Variants in MSH3 observed in about 807,000 individuals in gnomAD.
The protein encoded by MSH3 is DNA mismatch repair protein Msh3.
Under a neutral mutation model 123.3 loss-of-function variants are expected in MSH3, and 106 were observed. The observed-to-expected ratio is 0.86, with a 90% CI of 0.73 to 1.01. MSH3 has a LOEUF of 1.01. MSH3 is among the 50% of genes least tolerant of loss of function. MSH3 has a pLI of 0.00. For missense variants in MSH3, 1,459 were observed against 1,347.6 expected (o/e 1.08, Z -1.29); for synonymous variants, 515 against 481.4 (o/e 1.07, Z -0.91).
At chr5:80,822,433 T>G (rs533440009) in intron 20 of MSH3, among the ~76,000 whole-genome samples, 2 of 150,836 alleles carry the variant, frequency 1.3e-5, no homozygotes, top group East Asian at 1.9e-4. Flanking sequence ...TAAATTTTAG[T>G]TTTTTTTCTT....
At position 80,709,618 on chromosome 5, in the gene MSH3, T is replaced by C. The variant is rs146105162; in HGVS notation, c.1341-15835T>C. Reference sequence around the variant, plus strand: ...CTGCACTCCAGCCTGGGCGACAGAGTGAAACTCCGTCTCAAAAAAAGAAAA... The same window carrying C: ...CTGCACTCCAGCCTGGGCGACAGAGCGAAACTCCGTCTCAAAAAAAGAAAA... On this transcript the variant is annotated intron_variant, in intron 8 of 23. Coordinates refer to ENST00000265081, the MANE Select transcript of MSH3 (RefSeq NM_002439.5). 9.5e-3 allele frequency among the ~76,000 whole-genome samples: 1,451 copies of C among 152,108 alleles called. 10 individuals carry two copies. The highest frequency in any genetic ancestry group is 0.014 in the Non-Finnish European group (929 of 67,970).
chr5:80,757,999 A>T (rs1040794472), intron 12 of MSH3, among the ~76,000 whole-genome samples: 1 of 152,206 alleles, frequency 6.6e-6, no homozygotes, highest in African/African-American at 2.4e-5. Flanking sequence ...ACAGTGTCAC[A>T]TACCCTTTCA....
chr5:80,813,829 A>G, intron 20 of MSH3, 88 bp downstream of exon 20: 1 of 1,404,280 alleles, frequency 7.1e-7, no homozygotes, highest in Admixed American at 1.7e-5. Context: ...GTACATATTT[A>G]GATGCTCTTA....
chr5:80,654,899 GCAGCGGCCGCAGCGCCCC>G lies in MSH3; in HGVS notation c.178_195del (p.Ala60_Ala65del), dbSNP rs1488822467. The G allele has an allele frequency of 1.4e-6, 2 of 1,474,738 alleles. No homozygotes were observed. The highest frequency in any genetic ancestry group is 2.6e-5 in the East Asian group (1 of 38,632). 91.4% of individuals were successfully genotyped at this position (1,474,738 alleles called of 1,614,324 possible). ...TGGCGCTGCAGCGGCTGCAGCGGCC[GCAGCGGCCGCAGCGCCCC>G]CAGCGCCCCCAGCTCCCGCCTTCCC... On this transcript the variant is annotated inframe_deletion, in exon 1 of 24. Coordinates refer to ENST00000265081, the MANE Select transcript of MSH3 (RefSeq NM_002439.5).
chr5:80,853,507 C>G (rs921125312), intron 20 of MSH3, among the ~76,000 whole-genome samples: 3 of 151,484 alleles, frequency 2.0e-5, no homozygotes, highest in African/African-American at 7.3e-5. Flanking sequence ...TAGTCTCATA[C>G]TAAAGGCTTT....
chr5:80,692,678 ATGTT>A (rs1394202005), intron 8 of MSH3, among the ~76,000 whole-genome samples: 1 of 139,388 alleles, frequency 7.2e-6, no homozygotes, highest in Non-Finnish European at 1.6e-5. Context: ...GTATATGTTT[ATGTT>A]TATATAGATA....
At chr5:80,672,510 T>G in intron 5 of MSH3, 150 bp downstream of exon 5, 1 of 713,646 alleles carries the variant, frequency 1.4e-6, no homozygotes, top group Non-Finnish European at 2.5e-6. Context: ...ATTAGTATTA[T>G]GTATTTATGA....
At chr5:80,834,637 A>T (rs941018173) in intron 20 of MSH3, among the ~76,000 whole-genome samples, 1 of 72,464 alleles carries the variant, frequency 1.4e-5, no homozygotes, top group Non-Finnish European at 3.1e-5. Flanking sequence ...AATACTTAAT[A>T]AAAATAAATA....
At chr5:80,721,952 T>A (rs1213690756) in intron 8 of MSH3, among the ~76,000 whole-genome samples, 1 of 152,238 alleles carries the variant, frequency 6.6e-6, no homozygotes, top group Non-Finnish European at 1.5e-5. Flanking sequence ...CACATTACTG[T>A]CTGTTGTCTT....
intron 8 of MSH3, among the ~76,000 whole-genome samples, chr5:80,692,621 A>C (rs114811201): frequency 0.079 from 11,542 of 145,716 alleles, 558 homozygotes; most frequent in Non-Finnish European, 0.091. Flanking sequence ...AATATATATA[A>C]ACATGTATAT....
In MSH3 at chr5:80,744,622, G is replaced by A. The variant is rs1460371399; in HGVS notation, c.1763+7G>A. ...AGCCACTCCTTAAATTAAGGTAAAA[G>A]GAATTCTTTTTGGGGTGTTTAATCT... On this transcript the variant is annotated splice_region_variant and intron_variant, in intron 12 of 23. Coordinates refer to ENST00000265081, the MANE Select transcript of MSH3 (RefSeq NM_002439.5). 2 of 1,594,636 alleles carry A rather than the reference G, an allele frequency of 1.3e-6. No individual in the cohort carries two copies. The highest frequency in any genetic ancestry group is 1.7e-6 in the Non-Finnish European group (2 of 1,163,146).
rs148183336 is a variant in MSH3 at position 80,795,235 on chromosome 5, T to A, written c.2655+2391T>A. 1.8e-3 allele frequency among the ~76,000 whole-genome samples: 269 copies of A among 152,244 alleles called. 1 individual carries two copies. The highest frequency in any genetic ancestry group is 5.6e-3 in the Admixed American group (85 of 15,284). On this transcript the variant is annotated intron_variant, in intron 19 of 23. Transcript: ENST00000265081. ...GTGAAGGGAAATACTTTGAATGACA[T>A]CTAGTTTAATTTATAATATGGATTT...
At chr5:80,780,658 A>T (rs1414635645) in intron 17 of MSH3, among the ~76,000 whole-genome samples, 1 of 152,184 alleles carries the variant, frequency 6.6e-6, no homozygotes, top group Non-Finnish European at 1.5e-5. Flanking sequence ...CTTGAGGCCA[A>T]GAATTCAAGA....
intron 20 of MSH3, among the ~76,000 whole-genome samples, chr5:80,832,036 G>A (rs1189344592): frequency 6.6e-6 from 1 of 152,080 alleles, no homozygotes; most frequent in Non-Finnish European, 1.5e-5. Context: ...CGTGAACCCG[G>A]GAGGCGGAGC....
intron 20 of MSH3, among the ~76,000 whole-genome samples, chr5:80,828,573 T>A (rs372442636): frequency 6.6e-6 from 1 of 152,208 alleles, no homozygotes; most frequent in Non-Finnish European, 1.5e-5. Flanking sequence ...TCGAATCAGA[T>A]GTGAGTAATG....
At chr5:80,870,605 G>A (rs540415714) in intron 22 of MSH3, among the ~76,000 whole-genome samples, 4 of 152,190 alleles carry the variant, frequency 2.6e-5, no homozygotes, top group African/African-American at 4.8e-5. Flanking sequence ...TACTGTCAGT[G>A]CCTTGCAACG....
intron 12 of MSH3, among the ~76,000 whole-genome samples, chr5:80,749,204 A>C (rs1014435937): frequency 1.3e-5 from 2 of 152,170 alleles, no homozygotes; most frequent in Admixed American, 6.5e-5. Context: ...GGGGCAAGGA[A>C]GCCAGTCTGA....
chr5:80,762,426 T>C (rs541178487), intron 13 of MSH3, among the ~76,000 whole-genome samples: 1 of 150,872 alleles, frequency 6.6e-6, no homozygotes, highest in East Asian at 1.9e-4. Context: ...ATGCTATATA[T>C]GTGTGTGTAT....
intron 21 of MSH3, among the ~76,000 whole-genome samples, chr5:80,859,487 A>G (rs1251906514): frequency 6.6e-6 from 1 of 152,160 alleles, no homozygotes; most frequent in Non-Finnish European, 1.5e-5. Context: ...TGTAGACAAC[A>G]TACAGTTAGG....
Sources: gnomAD v4.1 joint callset for allele counts (sites outside exome capture counted in the v4.1 genomes callset) on GRCh38, gnomAD v4.1.1 for gene constraint, MANE v1.5 for transcripts, NCBI Gene and HGNC (gene_info 2026-07-23, HGNC 2026-07-21) for gene names.